USP37: variants seen among roughly 807,000 people sequenced by gnomAD.
The protein encoded by USP37 is ubiquitin carboxyl-terminal hydrolase 37.
A neutral mutation model predicts 124.0 loss-of-function variants in USP37; 27 were observed. The ratio of observed to expected loss-of-function variants is 0.22; its 90% CI spans 0.16 to 0.30. The LOEUF is 0.30. Among genes scored for constraint, USP37 ranks in the 10% least tolerant of loss-of-function variants. USP37 has a pLI of 1.00. For missense variants in USP37, 889 were observed against 1,140.4 expected (o/e 0.78, Z 3.17); for synonymous variants, 365 against 388.0 (o/e 0.94, Z 0.70).
intron 22 of USP37, among the ~76,000 whole-genome samples, chr2:218,460,671 G>A (rs1689967229): frequency 1.3e-5 from 2 of 152,076 alleles, no homozygotes; most frequent in African/African-American, 4.8e-5. Flanking sequence ...GGCCGAGTGT[G>A]GTGGCTTATG....
chr2:218,497,738 T>A lies in USP37; in HGVS notation c.1277A>T (p.Gln426Leu). 1 of 1,613,970 alleles carries A rather than the reference T, an allele frequency of 6.2e-7. No homozygotes were observed. Among genetic ancestry groups the A allele is most frequent in the Middle Eastern group, 1.6e-4 (1 of 6,062 alleles). Residue 426 changes from glutamine to leucine, a missense_variant, in exon 13 of 26, where the codon CAG (glutamine) becomes CTG (leucine). By Grantham distance (113) the Gln-to-Leu change is moderately radical. Coordinates refer to ENST00000258399, the MANE Select transcript of USP37 (RefSeq NM_020935.3). Reference sequence around the variant, plus strand: ...TTTAAAACAATTAATACTCACATTCTGCATATAACCAGAGAATCTCTCTGC... The same window carrying A: ...TTTAAAACAATTAATACTCACATTCAGCATATAACCAGAGAATCTCTCTGC... The part of the protein sequence containing the change: ...ATAERFSGYM[Q>L]NDAHEFLSQC...
At chr2:218,507,444 C>A (rs1689740173) in intron 11 of USP37, among the ~76,000 whole-genome samples, 1 of 152,170 alleles carries the variant, frequency 6.6e-6, no homozygotes, top group Non-Finnish European at 1.5e-5. Flanking sequence ...AGGTGTGAGC[C>A]ACAGTGCCTG....
rs1689487833 is a variant in USP37 at position 218,451,799 on chromosome 2, A to G, written c.*3131T>C. The G allele has an allele frequency of 6.6e-6, 1 of 152,654 alleles. No homozygotes were observed. The highest frequency in any genetic ancestry group is 6.5e-5 in the Admixed American group (1 of 15,280). The allele number at this position is 152,654 out of a possible 1,614,324, so 9.5% of individuals were successfully genotyped here. On this transcript the variant is annotated 3_prime_UTR_variant, in exon 26 of 26. Transcript: ENST00000258399. ...ACTGCATATGTCTTAAAATGTAAAC[A>G]TATTTACATTTGTTGTATTTGTTAT...
At chr2:218,495,976 C>T in intron 13 of USP37, 26 bp from the exon 14 acceptor site, 1 of 1,583,222 alleles carries the variant, frequency 6.3e-7, no homozygotes, top group Non-Finnish European at 8.6e-7. Context: ...TATCCTTAAT[C>T]AGATAAAAAC....
intron 4 of USP37, among the ~76,000 whole-genome samples, chr2:218,554,254 A>G (rs992555640): frequency 6.6e-6 from 1 of 152,226 alleles, no homozygotes; most frequent in Admixed American, 6.5e-5. Flanking sequence ...TCTTAGTCAC[A>G]GTTTTCAAGA....
At chr2:218,534,776 G>C in intron 8 of USP37, 70 bp from the exon 9 acceptor site, 1 of 1,021,006 alleles carries the variant, frequency 9.8e-7, no homozygotes. Flanking sequence ...TTAAATAGTT[G>C]TCATTAAAAC....
At chr2:218,459,103 G>A (rs565456374) in intron 23 of USP37, among the ~76,000 whole-genome samples, 2 of 150,492 alleles carry the variant, frequency 1.3e-5, no homozygotes, top group East Asian at 1.9e-4. Context: ...ACAGTTCAAT[G>A]TGCCCTAATT....
chr2:218,455,351 C>T (rs1312395032), intron 25 of USP37, among the ~76,000 whole-genome samples: 1 of 152,100 alleles, frequency 6.6e-6, no homozygotes, highest in Non-Finnish European at 1.5e-5. Flanking sequence ...TCTTAACTTC[C>T]ATACCTAGAT....
At chr2:218,529,486 A>C (rs1179055326) in intron 10 of USP37, among the ~76,000 whole-genome samples, 2 of 138,054 alleles carry the variant, frequency 1.4e-5, no homozygotes, top group East Asian at 3.9e-4. Flanking sequence ...ACAAAAAAAA[A>C]AAAAAAAAAA....
In USP37 at chr2:218,482,251, GACA is replaced by G. The variant is rs776442586; in HGVS notation, c.1671-20_1671-18del. 15 of 1,603,452 alleles carry G rather than the reference GACA, an allele frequency of 9.4e-6. No individual in the cohort carries two copies. The East Asian group carries it at 3.1e-4, about 34-fold the overall frequency. ...ATGAGGACCCTGAAAAACAGGAGATGACAACCTTACTAATTCATACATAATACA... is the reference window on the plus strand; with the variant it reads ...ATGAGGACCCTGAAAAACAGGAGATGACCTTACTAATTCATACATAATACA... On this transcript the variant is annotated intron_variant, in intron 16 of 25. Coordinates refer to ENST00000258399, the MANE Select transcript of USP37 (RefSeq NM_020935.3).
At chr2:218,558,316 CCAA>C (rs927706117) in intron 4 of USP37, among the ~76,000 whole-genome samples, 179 bp downstream of exon 4, 7 of 152,084 alleles carry the variant, frequency 4.6e-5, no homozygotes, top group Non-Finnish European at 7.4e-5. Context: ...TTATTATATA[CCAA>C]CAACAATACT....
chr2:218,479,921 G>A (rs549383682), intron 17 of USP37, among the ~76,000 whole-genome samples: 22 of 152,144 alleles, frequency 1.4e-4, no homozygotes, highest in African/African-American at 4.8e-4. Context: ...CTAAGTGGGC[G>A]AATCACCTGA....
At chr2:218,515,635 G>A (rs2106008502) in intron 10 of USP37, among the ~76,000 whole-genome samples, 1 of 152,322 alleles carries the variant, frequency 6.6e-6, no homozygotes, top group African/African-American at 2.4e-5. Context: ...ACATAGGCAT[G>A]AGCAAAGACT....
intron 22 of USP37, among the ~76,000 whole-genome samples, chr2:218,460,444 T>C (rs1689954705): frequency 6.6e-6 from 1 of 152,154 alleles, no homozygotes; most frequent in Admixed American, 6.5e-5. Flanking sequence ...TTCTTTTAAA[T>C]ATATTTATAT....
intron 17 of USP37, among the ~76,000 whole-genome samples, chr2:218,481,061 T>C (rs1691247643): frequency 2.6e-5 from 4 of 152,234 alleles, no homozygotes; most frequent in African/African-American, 9.6e-5. Context: ...TTCAAAGTTC[T>C]ACAATTTTAT....
intron 9 of USP37, among the ~76,000 whole-genome samples, chr2:218,531,109 G>A (rs1295861061): frequency 6.6e-6 from 1 of 152,200 alleles, no homozygotes; most frequent in East Asian, 1.9e-4. Context: ...ACAGGTCTTC[G>A]ATGTAGCTGC....
intron 11 of USP37, among the ~76,000 whole-genome samples, chr2:218,506,820 G>A (rs922981224): frequency 2.7e-5 from 4 of 150,232 alleles, no homozygotes; most frequent in Admixed American, 1.3e-4. Context: ...TTTTTGAGAC[G>A]GAGTTTTGCT....
chr2:218,555,262 A>G (rs1692903176), intron 4 of USP37, among the ~76,000 whole-genome samples: 1 of 136,290 alleles, frequency 7.3e-6, no homozygotes, highest in African/African-American at 2.4e-5. Flanking sequence ...TGAAAAGCAT[A>G]AACAAAGAAC....
intron 15 of USP37, among the ~76,000 whole-genome samples, chr2:218,487,732 TA>T (rs1691656832): frequency 1.3e-5 from 2 of 152,090 alleles, no homozygotes; most frequent in Non-Finnish European, 2.9e-5. Flanking sequence ...AAACTATTTC[TA>T]AGATTGTCTA....
Sources: gnomAD v4.1 joint callset for allele counts (sites outside exome capture counted in the v4.1 genomes callset) on GRCh38, gnomAD v4.1.1 for gene constraint, MANE v1.5 for transcripts, NCBI Gene and HGNC (gene_info 2026-07-23, HGNC 2026-07-21) for gene names.